The following KLF12 variants were observed in gnomAD, a reference collection of about 807,000 sequenced individuals.
KLF12 encodes the protein Krueppel-like factor 12.
In KLF12, 9 loss-of-function variants were observed where a neutral mutation model predicts 37.8. The observed-to-expected ratio is 0.24, with a 90% confidence interval of 0.14 to 0.42. The LOEUF is 0.42. KLF12 is among the 10% of genes least tolerant of loss of function. KLF12 has a pLI of 1.00. For synonymous variants in KLF12, 208 were observed against 202.1 expected (o/e 1.03, Z -0.25); for missense variants, 411 against 516.0 (o/e 0.80, Z 1.97).
chr13:74,200,482 G>A, the KLF12 span, among the ~76,000 whole-genome samples: 16 of 152,174 alleles, frequency 1.1e-4, no homozygotes, highest in Admixed American at 3.3e-4. Flanking sequence ...CCTGGATTTC[G>A]TCTTGGAAAT....
chr13:74,258,462 A>T, the KLF12 span: 1 of 152,114 alleles, frequency 6.6e-6, no homozygotes, highest in Non-Finnish European at 1.5e-5. Context: ...GTTCTCATTC[A>T]CTGTGATGTG....
the KLF12 span, among the ~76,000 whole-genome samples, chr13:74,285,015 A>C: frequency 1.3e-5 from 2 of 152,264 alleles, no homozygotes; most frequent in South Asian, 4.1e-4. Context: ...GAGGTTTATG[A>C]AAGTTTCTTT....
the KLF12 span, among the ~76,000 whole-genome samples, chr13:74,236,094 G>A: frequency 6.8e-5 from 10 of 147,658 alleles, no homozygotes; most frequent in East Asian, 2.0e-4. Context: ...GTCCCTCCCC[G>A]CTCCCCCAAC....
At chr13:73,837,639 C>T (rs1884508990) in intron 4 of KLF12, among the ~76,000 whole-genome samples, 1 of 152,138 alleles carries the variant, frequency 6.6e-6, no homozygotes, top group African/African-American at 2.4e-5. Flanking sequence ...GAGTGAAACA[C>T]TCAAGTCTTA....
chr13:74,258,026 T>C, the KLF12 span: 1 of 151,904 alleles, frequency 6.6e-6, no homozygotes, highest in South Asian at 2.1e-4. Context: ...TATCTTTCAA[T>C]CCAGAAAAAA....
chr13:74,064,816 T>C (rs1258248243), intron 1 of KLF12, among the ~76,000 whole-genome samples: 1 of 152,214 alleles, frequency 6.6e-6, no homozygotes, highest in African/African-American at 2.4e-5. Flanking sequence ...GTCTAGAAAG[T>C]CTGTGTGATT....
chr13:74,295,527 G>T, the KLF12 span, among the ~76,000 whole-genome samples: 2 of 152,238 alleles, frequency 1.3e-5, no homozygotes, highest in African/African-American at 2.4e-5. Context: ...AAATATACTT[G>T]CTGTAATGTG....
At chr13:74,009,108 G>T (rs912919201) in intron 1 of KLF12, among the ~76,000 whole-genome samples, 1 of 152,182 alleles carries the variant, frequency 6.6e-6, no homozygotes, top group Non-Finnish European at 1.5e-5. Flanking sequence ...GAGTAGAGAG[G>T]ATTTCTTTTC....
intron 1 of KLF12, among the ~76,000 whole-genome samples, chr13:74,016,797 T>C (rs1370431344): frequency 1.3e-5 from 2 of 152,214 alleles, no homozygotes. Flanking sequence ...CACTTTTTTG[T>C]GTACATGGTG....
intron 1 of KLF12, among the ~76,000 whole-genome samples, chr13:74,007,687 T>A (rs1892447773): frequency 6.6e-6 from 1 of 152,194 alleles, no homozygotes; most frequent in Non-Finnish European, 1.5e-5. Flanking sequence ...ATTGTTATTA[T>A]TCGTGGAAAA....
chr13:73,990,281 G>C (rs368560188), intron 2 of KLF12, among the ~76,000 whole-genome samples: 14 of 152,050 alleles, frequency 9.2e-5, no homozygotes, highest in East Asian at 3.8e-4. Context: ...CAGAGATTAA[G>C]AGCAAGATCC....
At chr13:74,273,925 T>G in the KLF12 span, among the ~76,000 whole-genome samples, 4 of 152,192 alleles carry the variant, frequency 2.6e-5, no homozygotes, top group Non-Finnish European at 5.9e-5. Context: ...TGACAGTTAC[T>G]CTACTATGAA....
intron 3 of KLF12, among the ~76,000 whole-genome samples, chr13:73,911,968 G>T (rs984102922): frequency 6.6e-6 from 1 of 152,136 alleles, no homozygotes; most frequent in African/African-American, 2.4e-5. Flanking sequence ...TGTGTCCAGG[G>T]CTTGCTTTTT....
Position 73,841,415 on chromosome 13 carries a change from A to G in KLF12, c.670+4412T>C, listed in dbSNP as rs142596785. On this transcript the variant is annotated intron_variant, in intron 4 of 7. Transcript: ENST00000377669. ...AGCTGATGAGTTTTAAAAAATTGCA[A>G]AAAAAGTCTCATAATGTTTTAAGAA... Among the ~76,000 whole-genome samples the G allele has an allele frequency of 7.3e-5, 11 of 150,748 alleles. No individual in the cohort carries two copies. In the East Asian group the frequency reaches 2.1e-3, roughly 29 times the overall value.
intron 6 of KLF12, among the ~76,000 whole-genome samples, chr13:73,716,747 C>CT (rs111769612): frequency 0.01 from 1,562 of 151,922 alleles, 28 homozygotes; most frequent in African/African-American, 0.036. Flanking sequence ...TGTTTTATTC[C>CT]TTTTTTTAAT....
chr13:73,877,049 T>G lies in KLF12; in HGVS notation c.124-30676A>C, dbSNP rs1342283363. On this transcript the variant is annotated intron_variant, in intron 3 of 7. Coordinates refer to ENST00000377669, the MANE Select transcript of KLF12 (RefSeq NM_007249.5). Reference sequence around the variant, plus strand: ...AAAGAAAAGAAAAGAAATACTTTTTTGTTTGCTTGCTGTCTTACACATTCT... The same window carrying G: ...AAAGAAAAGAAAAGAAATACTTTTTGGTTTGCTTGCTGTCTTACACATTCT... 5.3e-5 allele frequency among the ~76,000 whole-genome samples: 8 copies of G among 152,252 alleles called. No individual in the cohort carries two copies. The East Asian group carries it at 1.5e-3, about 29-fold the overall frequency.
chr13:73,818,857 C>T lies in KLF12; in HGVS notation c.671-5570G>A, dbSNP rs563978825. On this transcript the variant is annotated intron_variant, in intron 4 of 7. Transcript: ENST00000377669. The stretch of plus-strand genomic sequence containing the variant: ...CTTTTCTCCCTCTTTTAGCTACGGA[C>T]AGGCTCCCTGCTATCTGCAGGTGCC... Among the ~76,000 whole-genome samples the T allele has an allele frequency of 5.9e-5, 9 of 152,340 alleles. No individual in the cohort carries two copies. The South Asian group carries it at 1.9e-3, about 32-fold the overall frequency.
intron 3 of KLF12, among the ~76,000 whole-genome samples, chr13:73,871,048 T>G (rs1456688408): frequency 6.6e-6 from 1 of 152,218 alleles, no homozygotes; most frequent in African/African-American, 2.4e-5. Context: ...ATCATCTCCC[T>G]GAAGCATCAA....
At chr13:74,060,490 G>GTGTGTGTGTGTGTGTGCGTC (rs1873518127) in intron 1 of KLF12, among the ~76,000 whole-genome samples, 1 of 98,564 alleles carries the variant, frequency 1.0e-5, no homozygotes, top group African/African-American at 3.5e-5. Flanking sequence ...GGTTTTGTGT[G>GTGTGTGTGTGTGTGTGCGTC]TGTGTGTGTG....
Sources: gnomAD v4.1 joint callset for allele counts (sites outside exome capture counted in the v4.1 genomes callset) on GRCh38, gnomAD v4.1.1 for gene constraint, MANE v1.5 for transcripts, NCBI Gene and HGNC (gene_info 2026-07-23, HGNC 2026-07-21) for gene names.